Variants in PTBP1 observed in about 807,000 individuals in gnomAD.
PTBP1 encodes polypyrimidine tract-binding protein 1.
In PTBP1, 8 loss-of-function variants were observed where a neutral mutation model predicts 59.8. The observed-to-expected ratio is 0.13, with a 90% CI of 0.08 to 0.24. The LOEUF (loss-of-function observed/expected upper bound fraction) is 0.24. Among genes scored for constraint, PTBP1 ranks in the 10% least tolerant of loss-of-function variants. PTBP1 has a pLI of 1.00. For synonymous variants in PTBP1, 490 were observed against 320.7 expected (o/e 1.53, Z -5.64); for missense variants, 686 against 767.0 (o/e 0.89, Z 1.25).
chr19:797,626 T>A, intron 1 of PTBP1, 121 bp downstream of exon 1: 1 of 588,984 alleles, frequency 1.7e-6, no homozygotes, highest in Non-Finnish European at 2.4e-6. Context: ...GGCGGCGGGC[T>A]CTCCCCTTCC....
In PTBP1 at chr19:806,312, C is replaced by T. The variant is rs1422722082; in HGVS notation, c.971-96C>T. The T allele has an allele frequency of 2.2e-5, 30 of 1,354,498 alleles. 1 individual carries two copies. The South Asian group carries it at 4.2e-4, about 19-fold the overall frequency. 83.9% of individuals were successfully genotyped at this position (1,354,498 alleles called of 1,614,324 possible). A position where few individuals can be genotyped will look rare whatever the true frequency, so the allele number is the denominator to read the frequency against. On this transcript the variant is annotated intron_variant, in intron 9 of 14. Transcript: ENST00000356948. Reference sequence around the variant, plus strand: ...AGCCAGGGCCGCCTCCCGCGCGGCTCGGCTCCTCGGTGCATGAGGACGGGG... The same window carrying T: ...AGCCAGGGCCGCCTCCCGCGCGGCTTGGCTCCTCGGTGCATGAGGACGGGG...
At chr19:805,392 CG>C in intron 8 of PTBP1, 99 bp from the exon 9 acceptor site, 1 of 1,307,530 alleles carries the variant, frequency 7.6e-7, no homozygotes, top group Non-Finnish European at 1.1e-6. Context: ...AAGGCTCTGC[CG>C]GGGCCGCCCG....
In PTBP1 at chr19:808,469, G is replaced by GC. The variant is rs1243962362; in HGVS notation, c.1246+21dup. The GC allele has an allele frequency of 2.5e-6, 4 of 1,580,574 alleles. No homozygotes were observed. Among genetic ancestry groups the GC allele is most frequent in the Admixed American group, 3.6e-5 (2 of 55,662 alleles). On this transcript the variant is annotated intron_variant, in intron 12 of 14. Coordinates refer to ENST00000356948, the MANE Select transcript of PTBP1 (RefSeq NM_002819.5). This position sits in a 1 kb window ranked among gnomAD's most constrained non-coding sequence, Gnocchi z 4.7. ...CCCAGCTGGGTAAGAGGCCGGGGCGGCCCCGGGGTGGAGGGGGCAGGGGCG... is the reference window on the plus strand; with the variant it reads ...CCCAGCTGGGTAAGAGGCCGGGGCGGCCCCCGGGGTGGAGGGGGCAGGGGCG...
chr19:805,899 C>T (rs1482751381), intron 9 of PTBP1: 2 of 376,634 alleles, frequency 5.3e-6, no homozygotes, highest in East Asian at 1.2e-4. Flanking sequence ...ATTTGAGTGG[C>T]CTGGTAAGCG....
Position 797,470 on chromosome 19 carries a change from C to G in PTBP1, c.-28C>G. On this transcript the variant is annotated 5_prime_UTR_variant, in exon 1 of 15. Coordinates refer to ENST00000356948, the MANE Select transcript of PTBP1 (RefSeq NM_002819.5). ...TCCTGCTATTCCGGCGCCTCCACTC[C>G]GTCCCCCGCGGGTCTGCTCTGTGTG... The G allele has an allele frequency of 6.3e-7, 1 of 1,596,348 alleles. No individual in the cohort carries two copies. The highest frequency in any genetic ancestry group is 8.5e-7 in the Non-Finnish European group (1 of 1,174,538).
rs1354803955 is a variant in PTBP1, at chr19:804,663, G to A, written c.567G>A (p.Glu189=). ...GCCCCGTGCTCAGGATCATCGTGGA[G>A]AACCTCTTCTACCCTGTGACCCTGG... ...GQSPVLRIIV[E]NLFYPVTLDV... Residue 189 remains glutamate (E), a synonymous_variant, in exon 6 of 15, where the codon GAG becomes GAA. Transcript: ENST00000356948. The A allele has an allele frequency of 9.3e-6, 15 of 1,613,198 alleles. No individual in the cohort carries two copies. The highest frequency in any genetic ancestry group is 1.2e-5 in the Non-Finnish European group (14 of 1,179,854).
At chr19:798,122 C>T (rs1397930755) in intron 1 of PTBP1, among the ~76,000 whole-genome samples, 1 of 152,014 alleles carries the variant, frequency 6.6e-6, no homozygotes, top group African/African-American at 2.4e-5. Flanking sequence ...CGCCCCGGGC[C>T]GCGGCCAAGG....
chr19:802,178 C>T (rs1190310689), intron 2 of PTBP1, among the ~76,000 whole-genome samples: 1 of 152,204 alleles, frequency 6.6e-6, no homozygotes, highest in Non-Finnish European at 1.5e-5. Context: ...CCCTGTTCCC[C>T]ATCCTCCTTG....
At chr19:804,790 C>T in intron 6 of PTBP1, 39 bp from the exon 7 acceptor site, 1 of 1,606,844 alleles carries the variant, frequency 6.2e-7, no homozygotes, top group Middle Eastern at 1.7e-4. Context: ...GGCTGGTGGG[C>T]ACCGGGCAGG....
chr19:797,844 C>T (rs1406798964), intron 1 of PTBP1, among the ~76,000 whole-genome samples: 2 of 148,746 alleles, frequency 1.3e-5, no homozygotes, highest in East Asian at 2.0e-4. Context: ...GCTTCCCGTC[C>T]GGCCCTCGCG....
intron 2 of PTBP1, among the ~76,000 whole-genome samples, chr19:802,249 GC>G (rs1262167435): frequency 1.3e-4 from 20 of 152,350 alleles, no homozygotes; most frequent in African/African-American, 4.6e-4. Context: ...CAGCTGTGGG[GC>G]TTTGGAGGCT....
chr19:799,047 C>T (rs1308804503), intron 1 of PTBP1, among the ~76,000 whole-genome samples: 3 of 152,248 alleles, frequency 2.0e-5, no homozygotes, highest in African/African-American at 7.2e-5. Flanking sequence ...GCGTTTCCAA[C>T]TTACTGGAAA....
chr19:811,999 G>T lies in PTBP1; in HGVS notation c.*1173G>T, dbSNP rs1256837838. 1 of 152,404 alleles carries T rather than the reference G, an allele frequency of 6.6e-6. No individual in the cohort carries two copies. The highest frequency in any genetic ancestry group is 6.5e-5 in the Admixed American group (1 of 15,272). The allele number at this position is 152,404 out of a possible 1,614,324, so 9.4% of individuals were successfully genotyped here. On this transcript the variant is annotated 3_prime_UTR_variant, in exon 15 of 15. Coordinates refer to ENST00000356948, the MANE Select transcript of PTBP1 (RefSeq NM_002819.5). Reference sequence around the variant, plus strand: ...CTCCTAGGATCCCCTTTCCGTAAAAGCGTGTAACAAGGGTGTAAATATTTA... The same window carrying T: ...CTCCTAGGATCCCCTTTCCGTAAAATCGTGTAACAAGGGTGTAAATATTTA...
intron 2 of PTBP1, among the ~76,000 whole-genome samples, chr19:801,751 G>GTCCTCCCT (rs2034345306): frequency 6.6e-6 from 1 of 151,880 alleles, no homozygotes; most frequent in African/African-American, 2.4e-5. Context: ...CCTTCCTCCC[G>GTCCTCCCT]TCCTCCCTTC....
chr19:805,273 C>G, intron 8 of PTBP1, 86 bp downstream of exon 8: 1 of 1,486,322 alleles, frequency 6.7e-7, no homozygotes, highest in Non-Finnish European at 9.2e-7. Flanking sequence ...CGGGCCCGGC[C>G]CTGCACCAGG....
Position 806,499 on chromosome 19 carries a change from C to G in PTBP1, c.1062C>G (p.Ile354Met). The G allele has an allele frequency of 3.2e-6, 5 of 1,578,014 alleles. No homozygotes were observed. Among genetic ancestry groups the G allele is most frequent in the Non-Finnish European group, 4.3e-6 (5 of 1,164,496 alleles). Residue 354 changes from isoleucine (I) to methionine (M), a missense_variant, in exon 10 of 15, where the codon ATC (isoleucine) becomes ATG (methionine). Physicochemically the swap from Ile to Met is conservative, Grantham distance 10. Transcript: ENST00000356948. ...AAAAAAGRIA[I>M]PGLAGAGNSV... ...CTGCGGCGGCAGGTCGGATCGCCAT[C>G]CCGGGCCTGGCGGGGGCAGGAAATT...
chr19:797,456 C>G lies in PTBP1; in HGVS notation c.-42C>G. ...GCCGTTGGGTCGGTTCCTGCTATTCCGGCGCCTCCACTCCGTCCCCCGCGG... is the reference window on the plus strand; with the variant it reads ...GCCGTTGGGTCGGTTCCTGCTATTCGGGCGCCTCCACTCCGTCCCCCGCGG... On this transcript the variant is annotated 5_prime_UTR_variant, in exon 1 of 15. Transcript: ENST00000356948. 1 of 1,599,850 alleles carries G rather than the reference C, an allele frequency of 6.3e-7. No individual in the cohort carries two copies. The highest frequency in any genetic ancestry group is 8.5e-7 in the Non-Finnish European group (1 of 1,175,582).
intron 1 of PTBP1, among the ~76,000 whole-genome samples, chr19:797,750 C>T (rs939923134): frequency 1.5e-4 from 23 of 148,550 alleles, no homozygotes; most frequent in South Asian, 4.2e-4. Context: ...GTCCCTAGCG[C>T]ACGCGGCCTC....
In PTBP1 at chr19:810,412, T is replaced by A. The variant is rs180712105; in HGVS notation, c.1464-131T>A. On this transcript the variant is annotated intron_variant, in intron 13 of 14. Transcript: ENST00000356948. ...ATTGTGGACATGATTTGATACCCCATTTCTGGGCTCCTAAAAGGCCCTACG... is the reference window on the plus strand; with the variant it reads ...ATTGTGGACATGATTTGATACCCCAATTCTGGGCTCCTAAAAGGCCCTACG... The A allele has an allele frequency of 9.7e-3, 6,570 of 677,006 alleles. 49 individuals carry two copies. The highest frequency in any genetic ancestry group is 0.014 in the Non-Finnish European group (5,533 of 399,474). The allele number at this position is 677,006 out of a possible 1,614,324, so 41.9% of individuals were successfully genotyped here. A position where few individuals can be genotyped will look rare whatever the true frequency, so the allele number is the denominator to read the frequency against.
Sources: allele counts gnomAD v4.1 joint callset (sites outside exome capture counted in the v4.1 genomes callset), GRCh38; gene constraint gnomAD v4.1.1; non-coding constraint Gnocchi (gnomAD v3.1); transcripts MANE v1.5; gene names NCBI Gene and HGNC (gene_info 2026-07-23, HGNC 2026-07-21).